The following CSGALNACT1 variants were observed in gnomAD, a reference collection of about 807,000 sequenced individuals.
The protein encoded by CSGALNACT1 is chondroitin sulfate N-acetylgalactosaminyltransferase 1.
A neutral mutation model predicts 51.0 loss-of-function variants in CSGALNACT1; 52 were observed. The ratio of observed to expected loss-of-function variants is 1.02; its 90% CI spans 0.82 to 1.29. CSGALNACT1 has a LOEUF of 1.29. CSGALNACT1 is among the 50% of genes most tolerant of loss of function. The probability of loss-of-function intolerance (pLI) is 0.00; values close to 1 mark genes in which losing one functional copy is unlikely to be tolerated. For missense variants in CSGALNACT1, 935 were observed against 679.2 expected, an observed-to-expected ratio of 1.38 and a Z score of -4.19; for synonymous variants, 341 against 254.4, an observed-to-expected ratio of 1.34 and a Z score of -3.24.
At chr8:19,505,633 G>T in exon 4 of CSGALNACT1, 2 of 1,614,110 alleles carry the variant, frequency 1.2e-6, no homozygotes, top group Non-Finnish European at 1.7e-6. Context: ...TAGTTGCGGT[G>T]CTGCTCCTCC....
chr8:19,483,642 A>G (rs559755692), intron 4 of CSGALNACT1, among the ~76,000 whole-genome samples: 2 of 152,118 alleles, frequency 1.3e-5, no homozygotes, highest in African/African-American at 4.8e-5. Flanking sequence ...TCCTTCCTAC[A>G]TGCCCCATAC....
At chr8:19,418,899 T>G (rs955161821) in intron 7 of CSGALNACT1, 149 bp from the exon 7 acceptor site, 20 of 696,164 alleles carry the variant, frequency 2.9e-5, no homozygotes, top group Admixed American at 1.2e-4. Flanking sequence ...CAGGCTGCAA[T>G]AGAGTGGCAC....
At chr8:19,636,489 A>G (rs1161257447) in intron 1 of CSGALNACT1, among the ~76,000 whole-genome samples, 1 of 152,200 alleles carries the variant, frequency 6.6e-6, no homozygotes, top group Non-Finnish European at 1.5e-5. Flanking sequence ...ACCACTTTAT[A>G]TAATTGGAGT....
rs115638832 is a variant in CSGALNACT1 at position 19,688,020 on chromosome 8, A to G, written c.-297+69830T>C. 3.0e-3 allele frequency among the ~76,000 whole-genome samples: 459 copies of G among 152,296 alleles called. 2 individuals carry two copies. The highest frequency in any genetic ancestry group is 0.011 in the African/African-American group (443 of 41,562). ...AGGTACAATTTACCGTTTAGAATCTACTTTATAGGAGTCATCAATCTCACA... is the reference window on the plus strand; with the variant it reads ...AGGTACAATTTACCGTTTAGAATCTGCTTTATAGGAGTCATCAATCTCACA... On this transcript the variant is annotated intron_variant, in intron 1 of 1. Coordinates refer to the CSGALNACT1 transcript ENST00000517494.
chr8:19,533,341 C>G (rs899286650), intron 3 of CSGALNACT1, among the ~76,000 whole-genome samples: 1 of 152,068 alleles, frequency 6.6e-6, no homozygotes, highest in Non-Finnish European at 1.5e-5. Context: ...AGGCTGGTCT[C>G]AAACTCCTGG....
chr8:19,546,427 T>G (rs1290849184), intron 3 of CSGALNACT1, among the ~76,000 whole-genome samples: 1 of 152,226 alleles, frequency 6.6e-6, no homozygotes, highest in South Asian at 2.1e-4. Flanking sequence ...TTAAGGACTT[T>G]GTGGTCATGG....
At chr8:19,520,037 T>C (rs557123523) in intron 3 of CSGALNACT1, among the ~76,000 whole-genome samples, 1 of 152,344 alleles carries the variant, frequency 6.6e-6, no homozygotes, top group Admixed American at 6.5e-5. Context: ...GTGTTCTAGG[T>C]GAGAGGGGTT....
At chr8:19,603,104 C>A (rs1252068935), upstream of CSGALNACT1, among the ~76,000 whole-genome samples, 8 of 141,062 alleles carry the variant, frequency 5.7e-5, no homozygotes, top group Non-Finnish European at 7.5e-5. Flanking sequence ...GCTCCCATTT[C>A]ACATGCAGGA....
At chr8:19,588,947 G>T (rs1396167236) in intron 3 of CSGALNACT1, among the ~76,000 whole-genome samples, 1 of 152,160 alleles carries the variant, frequency 6.6e-6, no homozygotes, top group African/African-American at 2.4e-5. Context: ...GTTTGAAAAT[G>T]TGTGGGGGTG....
intron 1 of CSGALNACT1, among the ~76,000 whole-genome samples, chr8:19,735,524 C>T (rs78993851): frequency 1.1e-5 from 1 of 91,152 alleles, no homozygotes; most frequent in African/African-American, 5.5e-5. Flanking sequence ...AGAAAAAAAA[C>T]CATGCTGCAA....
At chr8:19,505,606 G>C in exon 4 of CSGALNACT1, 1 of 1,614,050 alleles carries the variant, frequency 6.2e-7, no homozygotes, top group Non-Finnish European at 8.5e-7. Context: ...GCGATCTGCC[G>C]CTTCAGGCTG....
chr8:19,673,019 T>A (rs1009059766), intron 1 of CSGALNACT1, among the ~76,000 whole-genome samples: 8 of 152,160 alleles, frequency 5.3e-5, no homozygotes, highest in African/African-American at 1.7e-4. Context: ...CTTTTCAGAG[T>A]TCGAAGTGAA....
intron 3 of CSGALNACT1, among the ~76,000 whole-genome samples, chr8:19,509,621 C>CAAA (rs755422032): frequency 4.2e-4 from 24 of 56,974 alleles, no homozygotes; most frequent in South Asian, 3.8e-3. Flanking sequence ...GACTCTGTCT[C>CAAA]AAAAAAAAAA....
intron 1 of CSGALNACT1, among the ~76,000 whole-genome samples, chr8:19,670,650 C>CAAAAAAAAAAAAAAA (rs752256046): frequency 2.6e-4 from 24 of 92,836 alleles, no homozygotes; most frequent in East Asian, 4.7e-4. Flanking sequence ...CTACTGAAGA[C>CAAAAAAAAAAAAAAA]AAAAAAAAAA....
chr8:19,418,481 G>T (rs552346593), intron 8 of CSGALNACT1, among the ~76,000 whole-genome samples, 175 bp downstream of exon 7: 1 of 152,284 alleles, frequency 6.6e-6, no homozygotes, highest in South Asian at 2.1e-4. Flanking sequence ...AATATTGCAA[G>T]CACTTTTAAT....
intron 8 of CSGALNACT1, among the ~76,000 whole-genome samples, chr8:19,413,340 G>A (rs921793092): frequency 5.9e-5 from 9 of 152,078 alleles, no homozygotes; most frequent in African/African-American, 2.2e-4. Flanking sequence ...TGTGGCACTC[G>A]AGTTCTCACC....
chr8:19,730,636 G>A (rs1388940), intron 1 of CSGALNACT1, among the ~76,000 whole-genome samples: 34,910 of 152,130 alleles, frequency 0.23, 4,439 homozygotes, highest in African/African-American at 0.34. Flanking sequence ...AGCTACAGGG[G>A]TGATGCCCAC....
chr8:19,677,043 G>C (rs1182668749), intron 1 of CSGALNACT1, among the ~76,000 whole-genome samples: 1 of 151,642 alleles, frequency 6.6e-6, no homozygotes, highest in East Asian at 1.9e-4. Context: ...AGGGAGTGTA[G>C]AAAATTCTTT....
rs142612085 is a variant in CSGALNACT1 at position 19,463,421 on chromosome 8, A to T, written c.635-4779T>A. ...AACTTTCAGTTGGTCTTCTTTAAAC[A>T]CAAAGGACGACACCTAAAAAAATCC... is the stretch of plus-strand genomic sequence containing the variant. On this transcript the variant is annotated intron_variant, in intron 4 of 9. Transcript: ENST00000454498. 5.2e-3 allele frequency among the ~76,000 whole-genome samples: 795 copies of T among 152,244 alleles called. 2 individuals carry two copies. Among genetic ancestry groups the T allele is most frequent in the Non-Finnish European group, 8.1e-3 (553 of 68,012 alleles).
Sources: allele counts gnomAD v4.1 joint callset (sites outside exome capture counted in the v4.1 genomes callset), GRCh38; gene constraint gnomAD v4.1.1; transcripts MANE v1.5; gene names NCBI Gene and HGNC (gene_info 2026-07-23, HGNC 2026-07-21).